The following RAB3C variants were observed in gnomAD, a reference collection of about 807,000 sequenced individuals.
The protein encoded by RAB3C is RAB3C, member RAS oncogene family.
A neutral mutation model predicts 26.4 loss-of-function variants in RAB3C; 17 were observed. That is an observed-to-expected ratio of 0.64 (90% confidence interval 0.44 to 0.97). The LOEUF (loss-of-function observed/expected upper bound fraction) is 0.97, where lower values mean the gene tolerates loss of function less well. Among genes scored for constraint, RAB3C ranks in the 50% least tolerant of loss-of-function variants. RAB3C has a pLI of 0.00. For synonymous variants in RAB3C, 91 were observed against 95.9 expected (o/e 0.95, Z 0.30); for missense variants, 242 against 281.9 (o/e 0.86, Z 1.01).
At chr5:58,792,814 T>TAC (rs920270682) in intron 3 of RAB3C, among the ~76,000 whole-genome samples, 23 of 152,094 alleles carry the variant, frequency 1.5e-4, no homozygotes, top group African/African-American at 5.5e-4. Flanking sequence ...TGTGTATATA[T>TAC]ACACACACAC....
At chr5:58,616,304 C>G (rs1326778568) in intron 1 of RAB3C, among the ~76,000 whole-genome samples, 3 of 152,150 alleles carry the variant, frequency 2.0e-5, no homozygotes, top group Non-Finnish European at 4.4e-5. Context: ...GATTGAGGAA[C>G]TGAATTTCTA....
intron 2 of RAB3C, among the ~76,000 whole-genome samples, chr5:58,620,820 A>C (rs1330904926): frequency 6.6e-6 from 1 of 152,178 alleles, no homozygotes. Flanking sequence ...TGAGTGATGC[A>C]TCTGGGATGG....
intron 4 of RAB3C, among the ~76,000 whole-genome samples, chr5:58,844,117 G>T (rs1281328532): frequency 2.6e-5 from 4 of 152,216 alleles, no homozygotes; most frequent in Non-Finnish European, 5.9e-5. Context: ...TATGGAGGTG[G>T]TCAAGGAATG....
chr5:58,619,471 A>AGGAAGG (rs1746890015), intron 2 of RAB3C, among the ~76,000 whole-genome samples: 1 of 152,172 alleles, frequency 6.6e-6, no homozygotes, highest in African/African-American at 2.4e-5. Flanking sequence ...AGGTTCCTTA[A>AGGAAGG]TTCTCAGGGG....
At chr5:58,615,985 G>GACATAC (rs1746817091) in intron 1 of RAB3C, among the ~76,000 whole-genome samples, 1 of 149,536 alleles carries the variant, frequency 6.7e-6, no homozygotes, top group Non-Finnish European at 1.5e-5. Flanking sequence ...CACACACACA[G>GACATAC]ACACACACAC....
chr5:58,612,139 G>A (rs1746716396), intron 1 of RAB3C, among the ~76,000 whole-genome samples: 1 of 152,034 alleles, frequency 6.6e-6, no homozygotes, highest in South Asian at 2.1e-4. Flanking sequence ...TTATAGCCCT[G>A]TAGTATAGTT....
chr5:58,597,067 ATAT>A (rs1561260496), intron 1 of RAB3C, among the ~76,000 whole-genome samples: 1 of 94,182 alleles, frequency 1.1e-5, no homozygotes, highest in African/African-American at 4.4e-5. Flanking sequence ...TACATAATAT[ATAT>A]TATATAATAA....
chr5:58,792,822 C>T (rs72762131), intron 3 of RAB3C, among the ~76,000 whole-genome samples: 14,950 of 151,778 alleles, frequency 0.098, 941 homozygotes, highest in Non-Finnish European at 0.15. Flanking sequence ...TATACACACA[C>T]ACAAAGTTTA....
chr5:58,671,871 A>T (rs566947561), intron 2 of RAB3C, among the ~76,000 whole-genome samples: 4 of 152,318 alleles, frequency 2.6e-5, no homozygotes, highest in African/African-American at 7.2e-5. Flanking sequence ...TGCTTCCACC[A>T]GGAGAAAGGC....
At chr5:58,817,110 C>G (rs975880495) in intron 3 of RAB3C, 1 of 152,146 alleles carries the variant, frequency 6.6e-6, no homozygotes, top group African/African-American at 2.4e-5. Flanking sequence ...TTGGCCAGAT[C>G]CAAAGTTAGT....
At chr5:58,588,839 T>C (rs560871219) in intron 1 of RAB3C, among the ~76,000 whole-genome samples, 1 of 152,310 alleles carries the variant, frequency 6.6e-6, no homozygotes, top group East Asian at 1.9e-4. Context: ...CAACATAAAC[T>C]ATCATATTAT....
chr5:58,825,190 G>A, intron 4 of RAB3C, 28 bp downstream of exon 4: 1 of 1,599,712 alleles, frequency 6.3e-7, no homozygotes, highest in South Asian at 1.1e-5. Context: ...AAGTTAAAAA[G>A]AAAGATAATT....
At chr5:58,687,321 TG>T (rs1748465219) in intron 2 of RAB3C, among the ~76,000 whole-genome samples, 1 of 152,174 alleles carries the variant, frequency 6.6e-6, no homozygotes, top group African/African-American at 2.4e-5. Context: ...AAGTTTTATT[TG>T]CTATTTCTAG....
chr5:58,703,956 T>C (rs1238396518), intron 2 of RAB3C, among the ~76,000 whole-genome samples: 2 of 152,164 alleles, frequency 1.3e-5, no homozygotes, highest in African/African-American at 2.4e-5. Context: ...AAATATGTAA[T>C]TTAATCACAT....
intron 2 of RAB3C, among the ~76,000 whole-genome samples, chr5:58,625,336 T>C (rs575571530): frequency 5.3e-5 from 8 of 152,316 alleles, no homozygotes; most frequent in African/African-American, 1.9e-4. Flanking sequence ...CATAACTCTT[T>C]ATACTGCTTA....
At chr5:58,673,447 T>TACAC (rs71604758) in intron 2 of RAB3C, among the ~76,000 whole-genome samples, 8,036 of 145,930 alleles carry the variant, frequency 0.055, 233 homozygotes, top group Middle Eastern at 0.16. Flanking sequence ...GAACTAGTTA[T>TACAC]ACACACACAC....
chr5:58,686,685 C>T (rs1748450672), intron 2 of RAB3C, among the ~76,000 whole-genome samples: 1 of 147,854 alleles, frequency 6.8e-6, no homozygotes, highest in Non-Finnish European at 1.5e-5. Flanking sequence ...CACATACACA[C>T]ACACACATAC....
intron 3 of RAB3C, chr5:58,822,457 C>G (rs1743365133): frequency 6.3e-6 from 1 of 159,760 alleles, no homozygotes; most frequent in African/African-American, 2.4e-5. Flanking sequence ...ATTGCTGGGC[C>G]TGCAGGTCTG....
At chr5:58,640,380 C>T (rs546876624) in intron 2 of RAB3C, among the ~76,000 whole-genome samples, 212 of 152,262 alleles carry the variant, frequency 1.4e-3, no homozygotes, top group Non-Finnish European at 2.7e-3. Flanking sequence ...CCAAACCTTA[C>T]GCGTTTAAAA....
Sources: gnomAD v4.1 joint callset for allele counts (sites outside exome capture counted in the v4.1 genomes callset) on GRCh38, gnomAD v4.1.1 for gene constraint, MANE v1.5 for transcripts, NCBI Gene and HGNC (gene_info 2026-07-23, HGNC 2026-07-21) for gene names.